Variants in ZNF175 observed in about 807,000 individuals in gnomAD.
ZNF175 encodes the protein zinc finger protein 175.
A neutral mutation model predicts 14.0 loss-of-function variants in ZNF175; 8 were observed. That is an observed-to-expected ratio of 0.57 (90% confidence interval 0.34 to 1.03). The LOEUF is 1.03. Ranked by LOEUF, ZNF175 falls within the 50% of genes least tolerant of loss-of-function variation. The pLI is 0.03. For missense variants in ZNF175, 764 were observed against 849.5 expected (o/e 0.90, Z 1.25); for synonymous variants, 255 against 296.8 (o/e 0.86, Z 1.45).
intron 2 of ZNF175, among the ~76,000 whole-genome samples, chr19:51,580,278 T>C (rs1009597542): frequency 2.0e-5 from 3 of 152,200 alleles, no homozygotes; most frequent in Admixed American, 6.5e-5. Context: ...TCTCTACTTT[T>C]ATTTTTTTAT....
chr19:51,578,791 G>A lies in ZNF175; in HGVS notation c.73-2600G>A, dbSNP rs927164398. Among the ~76,000 whole-genome samples the A allele has an allele frequency of 3.9e-5, 6 of 151,940 alleles. No homozygotes were observed. The East Asian group carries it at 9.7e-4, about 25-fold the overall frequency. On this transcript the variant is annotated intron_variant, in intron 2 of 4. Coordinates refer to ENST00000262259, the MANE Select transcript of ZNF175 (RefSeq NM_007147.4). Reference sequence around the variant, plus strand: ...CAAAAAACAAAAACAAAAGACCTGAGAGGTTTACAGGACAATGAGATACTC... The same window carrying A: ...CAAAAAACAAAAACAAAAGACCTGAAAGGTTTACAGGACAATGAGATACTC...
Position 51,587,726 on chromosome 19 carries a change from T to C in ZNF175, c.1395T>C (p.His465=). Residue 465 remains histidine, a synonymous_variant, in exon 5 of 5, where the codon CAT becomes CAC. Coordinates refer to ENST00000262259, the MANE Select transcript of ZNF175 (RefSeq NM_007147.4). The part of the protein sequence containing the change: ...AFIQKAHLIV[H]QRSHTGEKPY... ...TCCAGAAGGCACACCTGATTGTCCA[T>C]CAAAGAAGCCACACAGGAGAAAAAC... 6.2e-7 allele frequency: 1 copy of C among 1,614,110 alleles called. No individual in the cohort carries two copies. The highest frequency in any genetic ancestry group is 8.5e-7 in the Non-Finnish European group (1 of 1,180,020).
chr19:51,585,119 T>C (rs1982124654), intron 4 of ZNF175, among the ~76,000 whole-genome samples: 2 of 152,196 alleles, frequency 1.3e-5, no homozygotes, highest in Admixed American at 6.5e-5. Context: ...GGTCTATACA[T>C]ACAATGAAAT....
chr19:51,587,784 A>G lies in ZNF175; in HGVS notation c.1453A>G (p.Ile485Val). ...YQCHNCGKSFISKSQLDIHHR... is the reference protein window; with the variant it reads ...YQCHNCGKSFVSKSQLDIHHR... ...GTGCCACAACTGTGGGAAATCCTTCATTTCCAAGTCACAGCTTGATATACA... is the reference window on the plus strand; with the variant it reads ...GTGCCACAACTGTGGGAAATCCTTCGTTTCCAAGTCACAGCTTGATATACA... The change falls in exon 5 of 5, where the codon ATT becomes GTT. Residue 485 changes from isoleucine (I) to valine (V), a missense_variant. Transcript: ENST00000262259. 2 of 1,614,180 alleles carry G rather than the reference A, an allele frequency of 1.2e-6. No individual in the cohort carries two copies. Among genetic ancestry groups the G allele is most frequent in the Non-Finnish European group, 1.7e-6 (2 of 1,180,026 alleles).
intron 2 of ZNF175, 27 bp downstream of exon 2, chr19:51,573,428 T>G (rs374970332): frequency 4.0e-4 from 637 of 1,610,932 alleles, no homozygotes; most frequent in Non-Finnish European, 5.2e-4. Context: ...CTGGGGATAG[T>G]TCTCCAGAAC....
chr19:51,582,408 C>T (rs972171312), intron 4 of ZNF175, among the ~76,000 whole-genome samples: 2 of 152,132 alleles, frequency 1.3e-5, no homozygotes, highest in African/African-American at 4.8e-5. Context: ...AGTGATTCTC[C>T]TGCCTCAGCC....
At chr19:51,583,672 T>C (rs370440740) in intron 4 of ZNF175, among the ~76,000 whole-genome samples, 15 of 152,326 alleles carry the variant, frequency 9.8e-5, no homozygotes, top group African/African-American at 3.6e-4. Context: ...TTTTCCTCAG[T>C]AGATATGATA....
In ZNF175 at chr19:51,588,396, C is replaced by T. The variant is rs985412853; in HGVS notation, c.2065C>T (p.His689Tyr). The T allele has an allele frequency of 3.7e-6, 6 of 1,609,494 alleles. No homozygotes were observed. In the Admixed American group the frequency reaches 6.8e-5, roughly 18 times the overall value. Residue 689 changes from histidine (H) to tyrosine (Y), a missense_variant, in exon 5 of 5, where the codon CAC becomes TAC. Transcript: ENST00000262259. ...CAACAACAGGTCAAACTTCAATAAACACCAAACAACTCATACCAGAGACAA... is the reference window on the plus strand; with the variant it reads ...CAACAACAGGTCAAACTTCAATAAATACCAAACAACTCATACCAGAGACAA... ...AFNNRSNFNK[H>Y]QTTHTRDKSY...
chr19:51,588,101 T>C lies in ZNF175; in HGVS notation c.1770T>C (p.Thr590=). 1.2e-6 allele frequency: 2 copies of C among 1,614,174 alleles called. No homozygotes were observed. Among genetic ancestry groups the C allele is most frequent in the Non-Finnish European group, 8.5e-7 (1 of 1,180,022 alleles). ...CGGGTGAGAAACCCTATGTGTGCAC[T>C]GAATGTGGGAAGGCCTTCAACGGCA... ...IHTGEKPYVC[T]ECGKAFNGRS... is the part of the protein sequence containing the mutation. The change falls in exon 5 of 5, where the codon ACT becomes ACC. Residue 590 remains threonine (T), a synonymous_variant. Coordinates refer to ENST00000262259, the MANE Select transcript of ZNF175 (RefSeq NM_007147.4).
chr19:51,588,377 C>T lies in ZNF175; in HGVS notation c.2046C>T (p.Asn682=), dbSNP rs761321340. 1 of 1,613,058 alleles carries T rather than the reference C, an allele frequency of 6.2e-7. No homozygotes were observed. Among genetic ancestry groups the T allele is most frequent in the African/African-American group, 1.3e-5 (1 of 74,994 alleles). The stretch of plus-strand genomic sequence containing the variant: ...CTGAATGTGGAAAGGCCTTCAACAA[C>T]AGGTCAAACTTCAATAAACACCAAA... ...VCSECGKAFN[N]RSNFNKHQTT... Residue 682 remains asparagine, a synonymous_variant, in exon 5 of 5, where the codon AAC becomes AAT. Transcript: ENST00000262259.
In ZNF175 at chr19:51,591,897, T is replaced by A. The variant is rs1276742506; in HGVS notation, c.*3430T>A. On this transcript the variant is annotated 3_prime_UTR_variant, in exon 5 of 5. Coordinates refer to ENST00000262259, the MANE Select transcript of ZNF175 (RefSeq NM_007147.4). The stretch of plus-strand genomic sequence containing the variant: ...CATTCTCCTGCCTCAGCCTCCCGAG[T>A]AGCTGGGACTACAGGCGCCCACCAC... 6.6e-6 allele frequency: 1 copy of A among 151,430 alleles called. No homozygotes were observed. The highest frequency in any genetic ancestry group is 2.4e-5 in the African/African-American group (1 of 41,212). 9.4% of individuals were successfully genotyped at this position (151,430 alleles called of 1,614,324 possible).
In ZNF175 at chr19:51,588,289, GT is replaced by G; in HGVS notation, c.1959del (p.Ser653ArgfsTer53). 1 of 1,613,604 alleles carries G rather than the reference GT, an allele frequency of 6.2e-7. No homozygotes were observed. Among genetic ancestry groups the G allele is most frequent in the Non-Finnish European group, 8.5e-7 (1 of 1,179,932 alleles). ...YECLDCGKSF[S>X]KKPQLKVHQR... is the part of the protein sequence containing the mutation. ...TGCCTTGACTGTGGGAAATCGTTCA[GT>G]AAGAAACCACAACTCAAGGTGCATC... On this transcript the variant is annotated frameshift_variant, in exon 5 of 5. Transcript: ENST00000262259. LOFTEE classifies it low-confidence loss of function (END_TRUNC).
In ZNF175 at chr19:51,592,448, T is replaced by C; in HGVS notation, c.*3981T>C. On this transcript the variant is annotated 3_prime_UTR_variant, in exon 5 of 5. Transcript: ENST00000262259. ...ATGAGTACAACACAAATGCTCGTTCTTAATGATTCAACAAACATGGAATTT... is the reference window on the plus strand; with the variant it reads ...ATGAGTACAACACAAATGCTCGTTCCTAATGATTCAACAAACATGGAATTT... 1 of 553,700 alleles carries C rather than the reference T, an allele frequency of 1.8e-6. No individual in the cohort carries two copies. Among genetic ancestry groups the C allele is most frequent in the Non-Finnish European group, 3.2e-6 (1 of 317,138 alleles). The allele number at this position is 553,700 out of a possible 1,614,324, so 34.3% of individuals were successfully genotyped here.
chr19:51,589,406 G>T lies in ZNF175; in HGVS notation c.*939G>T, dbSNP rs969114393. 17 of 582,008 alleles carry T rather than the reference G, an allele frequency of 2.9e-5. No individual in the cohort carries two copies. Among genetic ancestry groups the T allele is most frequent in the Non-Finnish European group, 5.2e-5 (17 of 329,566 alleles). The allele number at this position is 582,008 out of a possible 1,614,324, so 36.1% of individuals were successfully genotyped here. A position where few individuals can be genotyped will look rare whatever the true frequency, so the allele number is the denominator to read the frequency against. On this transcript the variant is annotated 3_prime_UTR_variant, in exon 5 of 5. Transcript: ENST00000262259. ...GTTTTTATAAAAATTATTCCCTATTGAATATTTATATAATGAGGTTGTATC... is the reference window on the plus strand; with the variant it reads ...GTTTTTATAAAAATTATTCCCTATTTAATATTTATATAATGAGGTTGTATC...
chr19:51,580,986 G>C (rs1981977176), intron 2 of ZNF175, among the ~76,000 whole-genome samples: 1 of 152,066 alleles, frequency 6.6e-6, no homozygotes, highest in African/African-American at 2.4e-5. Flanking sequence ...CTGTAGTTGA[G>C]CTTTTGTATT....
intron 4 of ZNF175, among the ~76,000 whole-genome samples, chr19:51,585,947 T>A (rs1324111258): frequency 6.6e-6 from 1 of 152,082 alleles, no homozygotes; most frequent in African/African-American, 2.4e-5. Flanking sequence ...GAAAAAAAAA[T>A]TGTAGCTTCA....
chr19:51,581,638 ATTGT>A (rs1383726132), intron 3 of ZNF175, 121 bp downstream of exon 3: 5 of 1,523,484 alleles, frequency 3.3e-6, no homozygotes, highest in Admixed American at 2.2e-5. Flanking sequence ...TTTGTCCTGG[ATTGT>A]TTGTTTCTTT....
intron 2 of ZNF175, among the ~76,000 whole-genome samples, chr19:51,575,915 G>A (rs1455426476): frequency 1.3e-5 from 2 of 152,162 alleles, no homozygotes; most frequent in African/African-American, 4.8e-5. Context: ...CCTTGTTTGT[G>A]ATTATGACTG....
At chr19:51,577,689 A>T (rs1412936286) in intron 2 of ZNF175, among the ~76,000 whole-genome samples, 1 of 122,464 alleles carries the variant, frequency 8.2e-6, no homozygotes, top group East Asian at 2.9e-4. Context: ...TTTGAGATGG[A>T]GTCTCACTCT....
Sources: gnomAD v4.1 joint callset for allele counts (sites outside exome capture counted in the v4.1 genomes callset) on GRCh38, gnomAD v4.1.1 for gene constraint, MANE v1.5 for transcripts, NCBI Gene and HGNC (gene_info 2026-07-23, HGNC 2026-07-21) for gene names.